ZNF385B: variants seen among roughly 807,000 people sequenced by gnomAD.
The protein encoded by ZNF385B is zinc finger protein 533.
ZNF385B carries 23 observed loss-of-function variants against 39.2 expected under a neutral mutation model. The ratio of observed to expected loss-of-function variants is 0.59; its 90% confidence interval spans 0.42 to 0.83. The LOEUF (loss-of-function observed/expected upper bound fraction) is 0.83. ZNF385B is among the 40% of genes least tolerant of loss of function. The probability of loss-of-function intolerance (pLI) is 0.00; values close to 1 mark genes in which losing one functional copy is unlikely to be tolerated. For missense variants in ZNF385B, 552 were observed against 598.9 expected, an observed-to-expected ratio of 0.92 and a Z score of 0.82; for synonymous variants, 205 against 222.6, an observed-to-expected ratio of 0.92 and a Z score of 0.70.
chr2:179,724,785 A>G (rs1215502949), intron 3 of ZNF385B, among the ~76,000 whole-genome samples: 4 of 152,212 alleles, frequency 2.6e-5, no homozygotes, highest in African/African-American at 9.6e-5. Context: ...TCTAATAAAT[A>G]ACTGTTCTCT....
At chr2:179,635,316 T>C (rs1417758070) in intron 3 of ZNF385B, among the ~76,000 whole-genome samples, 4 of 143,974 alleles carry the variant, frequency 2.8e-5, no homozygotes, top group Non-Finnish European at 5.9e-5. Context: ...TTCTCACTCA[T>C]ATGTGGGAAT....
chr2:179,625,927 T>TG (rs1690623908), intron 3 of ZNF385B, among the ~76,000 whole-genome samples: 1 of 152,004 alleles, frequency 6.6e-6, no homozygotes, highest in South Asian at 2.1e-4. Flanking sequence ...TGTCTCCTAA[T>TG]GCCTAGGCAG....
chr2:179,696,326 C>CTTTTATTTTTTT (rs1698745081), intron 3 of ZNF385B, among the ~76,000 whole-genome samples: 1 of 40,354 alleles, frequency 2.5e-5, no homozygotes, highest in Non-Finnish European at 4.1e-5. Context: ...CAAACTGGGA[C>CTTTTATTTTTTT]TTTTTTTTTT....
At chr2:179,772,193 A>G (rs944839128) in intron 1 of ZNF385B, among the ~76,000 whole-genome samples, 8 of 152,224 alleles carry the variant, frequency 5.3e-5, no homozygotes, top group Admixed American at 2.6e-4. Flanking sequence ...TTATTTAAAT[A>G]TACATATTTT....
At chr2:179,749,368 C>T (rs932307792) in intron 3 of ZNF385B, among the ~76,000 whole-genome samples, 4 of 152,080 alleles carry the variant, frequency 2.6e-5, no homozygotes, top group African/African-American at 9.7e-5. Context: ...ATATCCAGCC[C>T]TTCCACCTCC....
chr2:179,767,116 A>C (rs1051039946), intron 3 of ZNF385B, among the ~76,000 whole-genome samples: 1 of 152,228 alleles, frequency 6.6e-6, no homozygotes, highest in African/African-American at 2.4e-5. Flanking sequence ...CATACAGTCA[A>C]GGAATGAAGG....
chr2:179,644,128 G>A (rs926951920), intron 3 of ZNF385B, among the ~76,000 whole-genome samples: 2 of 152,034 alleles, frequency 1.3e-5, no homozygotes, highest in Non-Finnish European at 2.9e-5. Context: ...AAATCCTGGA[G>A]TTTGCTTCCA....
chr2:179,543,371 C>A (rs1238885741), intron 4 of ZNF385B, among the ~76,000 whole-genome samples: 1 of 152,198 alleles, frequency 6.6e-6, no homozygotes. Context: ...ATGCTGCTTC[C>A]TGACAGCAAC....
intron 1 of ZNF385B, among the ~76,000 whole-genome samples, chr2:179,833,929 G>C (rs1000233407): frequency 1.3e-5 from 2 of 152,120 alleles, no homozygotes; most frequent in African/African-American, 2.4e-5. Flanking sequence ...AACTCAGTGA[G>C]TTTGTTGTTG....
At chr2:179,851,223 G>A (rs1204587590) in intron 1 of ZNF385B, among the ~76,000 whole-genome samples, 1 of 152,220 alleles carries the variant, frequency 6.6e-6, no homozygotes, top group Non-Finnish European at 1.5e-5. Flanking sequence ...GGACAAGGCA[G>A]GAGGACTGCT....
chr2:179,630,382 T>C (rs1027804719), intron 3 of ZNF385B, among the ~76,000 whole-genome samples: 2 of 152,230 alleles, frequency 1.3e-5, no homozygotes, highest in African/African-American at 2.4e-5. Flanking sequence ...ACAAACAGTG[T>C]CTGGAGTGGA....
intron 3 of ZNF385B, among the ~76,000 whole-genome samples, chr2:179,690,026 T>C (rs901625335): frequency 6.6e-6 from 1 of 152,134 alleles, no homozygotes; most frequent in African/African-American, 2.4e-5. Context: ...TCTTCACTCT[T>C]CCATTGGTTC....
At chr2:179,770,857 G>A (rs1014996739) in intron 1 of ZNF385B, among the ~76,000 whole-genome samples, 185 bp from the exon 2 acceptor site, 2 of 152,096 alleles carry the variant, frequency 1.3e-5, no homozygotes. Context: ...TGAGACCCTT[G>A]GTTGATGAAG....
chr2:179,525,509 C>T (rs1169906223), intron 4 of ZNF385B, among the ~76,000 whole-genome samples: 3 of 152,140 alleles, frequency 2.0e-5, no homozygotes, highest in Admixed American at 2.0e-4. Context: ...ATCATTTGCA[C>T]CTGTCCTTGA....
At chr2:179,742,249 G>T (rs1332250001) in intron 3 of ZNF385B, among the ~76,000 whole-genome samples, 1 of 151,986 alleles carries the variant, frequency 6.6e-6, no homozygotes, top group Admixed American at 6.6e-5. Context: ...TTCCCTAGGA[G>T]TTTTCAGGCA....
At chr2:179,670,200 G>A (rs1196462758) in intron 3 of ZNF385B, among the ~76,000 whole-genome samples, 5 of 150,944 alleles carry the variant, frequency 3.3e-5, no homozygotes, top group African/African-American at 9.8e-5. Context: ...GCTGAGGCAG[G>A]AGAATGGCGT....
chr2:179,696,823 C>T (rs1216404694), intron 3 of ZNF385B, among the ~76,000 whole-genome samples: 1 of 152,140 alleles, frequency 6.6e-6, no homozygotes, highest in Non-Finnish European at 1.5e-5. Context: ...GTTTGGAAAG[C>T]TTAGTATGAC....
intron 1 of ZNF385B, among the ~76,000 whole-genome samples, chr2:179,829,267 C>G (rs898412690): frequency 1.3e-5 from 2 of 152,082 alleles, no homozygotes; most frequent in African/African-American, 4.8e-5. Flanking sequence ...TCTCCTAGGT[C>G]TTCAGTGATT....
chr2:179,684,362 G>A (rs1402787928), intron 3 of ZNF385B, among the ~76,000 whole-genome samples: 1 of 152,146 alleles, frequency 6.6e-6, no homozygotes, highest in Non-Finnish European at 1.5e-5. Flanking sequence ...TCTCTGGTTA[G>A]TAGCAAATAA....
Sources: allele counts gnomAD v4.1 joint callset (sites outside exome capture counted in the v4.1 genomes callset), GRCh38; gene constraint gnomAD v4.1.1; transcripts MANE v1.5; gene names NCBI Gene and HGNC (gene_info 2026-07-23, HGNC 2026-07-21).